The following UROS variants were observed in gnomAD, a reference collection of about 807,000 sequenced individuals.
UROS encodes uroporphyrinogen-III synthase.
In UROS, 18 loss-of-function variants were observed where a neutral mutation model predicts 33.0. The observed-to-expected ratio is 0.55, with a 90% CI of 0.38 to 0.81. The LOEUF is 0.81. UROS is among the 30% of genes least tolerant of loss of function. The probability of loss-of-function intolerance (pLI) is 0.00; values close to 1 mark genes in which losing one functional copy is unlikely to be tolerated. For synonymous variants in UROS, 114 were observed against 121.1 expected, an observed-to-expected ratio of 0.94 and a Z score of 0.38; for missense variants, 293 against 314.9, an observed-to-expected ratio of 0.93 and a Z score of 0.53.
At chr10:125,794,235 C>T (rs1222485983) in intron 9 of UROS, 11 of 628,842 alleles carry the variant, frequency 1.7e-5, no homozygotes, top group African/African-American at 4.0e-5. Flanking sequence ...ACTGGGAGAG[C>T]GGTGCATACT....
intron 5 of UROS, 129 bp downstream of exon 5, chr10:125,812,085 C>T (rs911405773): frequency 3.9e-6 from 3 of 779,022 alleles, no homozygotes; most frequent in East Asian, 2.7e-5. Context: ...TCAGTAGTAT[C>T]GTATACTTAA....
At chr10:125,797,956 G>C (rs1418350868) in intron 7 of UROS, 109 bp downstream of exon 7, 1 of 1,326,634 alleles carries the variant, frequency 7.5e-7, no homozygotes, top group Non-Finnish European at 1.1e-6. Context: ...ATCCAACCCA[G>C]CCCTGCTCTC....
intron 6 of UROS, chr10:125,802,479 G>C (rs896220386): frequency 1.0e-6 from 1 of 987,596 alleles, no homozygotes; most frequent in South Asian, 4.7e-5. Flanking sequence ...TTTCCTTTCA[G>C]TTGCTTAGCC....
At chr10:125,805,545 T>C (rs568746369) in intron 6 of UROS, among the ~76,000 whole-genome samples, 1 of 152,358 alleles carries the variant, frequency 6.6e-6, no homozygotes, top group East Asian at 1.9e-4. Context: ...ATGATGGGAA[T>C]GTTCTGTGTG....
At chr10:125,822,873 A>T (rs536979011) in intron 1 of UROS, among the ~76,000 whole-genome samples, 156 bp downstream of exon 1, 13 of 152,308 alleles carry the variant, frequency 8.5e-5, no homozygotes, top group African/African-American at 3.1e-4. Flanking sequence ...TCACCGGCGC[A>T]GCGGTAGCGG....
chr10:125,789,443 G>C (rs1285234270), intron 9 of UROS: 1 of 998,484 alleles, frequency 1.0e-6, no homozygotes, highest in African/African-American at 1.7e-5. Flanking sequence ...AGGGCTCTGT[G>C]GGCACAGGGT....
intron 1 of UROS, among the ~76,000 whole-genome samples, chr10:125,818,770 TCTCCA>T (rs1306760565): frequency 6.6e-6 from 1 of 152,160 alleles, no homozygotes; most frequent in African/African-American, 2.4e-5. Context: ...GCTGTGAGCC[TCTCCA>T]TTGTTGGCTT....
Position 125,795,042 on chromosome 10 carries a change from G to A in UROS, c.562-64C>T, listed in dbSNP as rs78343679. The A allele has an allele frequency of 3.4e-5, 50 of 1,484,562 alleles. 1 individual carries two copies. Among genetic ancestry groups the A allele is most frequent in the South Asian group, 2.4e-4 (21 of 88,036 alleles). The allele number at this position is 1,484,562 out of a possible 1,614,324, so 92.0% of individuals were successfully genotyped here. The stretch of plus-strand genomic sequence containing the variant: ...GACTGAGGAGAGACAACATTCCTCC[G>A]GCTTCATCCGCATCAAGACCTCAAG... On this transcript the variant is annotated intron_variant, in intron 8 of 9. Coordinates refer to ENST00000368797, the MANE Select transcript of UROS (RefSeq NM_000375.3).
intron 8 of UROS, among the ~76,000 whole-genome samples, chr10:125,795,710 A>C (rs1851296212): frequency 1.3e-5 from 2 of 152,138 alleles, no homozygotes; most frequent in Non-Finnish European, 2.9e-5. Context: ...GCCACTATTT[A>C]CCTCAGGGTT....
In UROS at chr10:125,796,113, T is replaced by C; in HGVS notation, c.551A>G (p.Tyr184Cys). The change falls in exon 8 of 10, where the codon TAT (tyrosine) becomes TGT (cysteine). Residue 184 changes from tyrosine (Y) to cysteine (C), a missense_variant. Tyr to Cys is a radical substitution (Grantham distance 194). Coordinates refer to ENST00000368797, the MANE Select transcript of UROS (RefSeq NM_000375.3). ...PGIQGNLNSY[Y>C]SQQGVPASIT... ...CCAAACGCCACGTACCTGCTGGGAA[T>C]AGTAGCTGTTCAGGTTCCCTTGGAT... 6.2e-7 allele frequency: 1 copy of C among 1,614,146 alleles called. No homozygotes were observed. The highest frequency in any genetic ancestry group is 8.5e-7 in the Non-Finnish European group (1 of 1,180,032).
At chr10:125,812,351 A>G in intron 4 of UROS, 63 bp from the exon 5 acceptor site, 4 of 1,487,112 alleles carry the variant, frequency 2.7e-6, no homozygotes, top group Non-Finnish European at 3.7e-6. Flanking sequence ...ACTGTTGCCC[A>G]AGGCTGCTTG....
intron 9 of UROS, chr10:125,792,252 T>A (rs1850991878): frequency 6.6e-6 from 1 of 152,094 alleles, no homozygotes; most frequent in South Asian, 2.1e-4. Flanking sequence ...AACAGTTTGG[T>A]GAAACAGCAG....
intron 1 of UROS, 121 bp downstream of exon 1, chr10:125,822,908 G>A (rs953140515): frequency 6.6e-6 from 1 of 152,356 alleles, no homozygotes; most frequent in African/African-American, 2.4e-5. Context: ...GCCTGGGCAG[G>A]CCCAGGTCCG....
intron 1 of UROS, among the ~76,000 whole-genome samples, chr10:125,822,469 C>T (rs1304364902): frequency 6.6e-6 from 1 of 152,062 alleles, no homozygotes; most frequent in Admixed American, 6.5e-5. Context: ...ACTACAGGCG[C>T]GCACCACCAC....
At chr10:125,805,199 C>A (rs142336577) in intron 6 of UROS, among the ~76,000 whole-genome samples, 1 of 152,336 alleles carries the variant, frequency 6.6e-6, no homozygotes, top group African/African-American at 2.4e-5. Context: ...AGAAAAGGCC[C>A]GTGTAGTTCC....
intron 1 of UROS, among the ~76,000 whole-genome samples, chr10:125,822,362 CT>C (rs2133988016): frequency 6.6e-6 from 1 of 150,778 alleles, no homozygotes; most frequent in African/African-American, 2.4e-5. Flanking sequence ...GTCGCCCAGG[CT>C]GGAGTGTGGA....
At chr10:125,822,254 C>T (rs1389604695) in intron 1 of UROS, among the ~76,000 whole-genome samples, 2 of 152,214 alleles carry the variant, frequency 1.3e-5, no homozygotes, top group African/African-American at 4.8e-5. Context: ...GGCCGCAGTC[C>T]CCTCCACTCT....
chr10:125,813,802 A>G (rs912195863), intron 4 of UROS, among the ~76,000 whole-genome samples: 3 of 152,176 alleles, frequency 2.0e-5, no homozygotes, highest in Non-Finnish European at 2.9e-5. Flanking sequence ...TTAGGTTCTC[A>G]CGCTTTCTTT....
rs898758780 is a variant in UROS, at chr10:125,805,129, G to T, written c.394+2284C>A. The stretch of plus-strand genomic sequence containing the variant: ...ATCCACTGAACTAAGGAGTGCACAG[G>T]CTCAGGATTGCCAAGTGGCCGAAAC... On this transcript the variant is annotated intron_variant, in intron 6 of 9. Coordinates refer to ENST00000368797, the MANE Select transcript of UROS (RefSeq NM_000375.3). Among the ~76,000 whole-genome samples the T allele has an allele frequency of 3.9e-5, 6 of 152,380 alleles. No homozygotes were observed. The East Asian group carries it at 1.2e-3, about 29-fold the overall frequency.
Sources: allele counts gnomAD v4.1 joint callset (sites outside exome capture counted in the v4.1 genomes callset), GRCh38; gene constraint gnomAD v4.1.1; transcripts MANE v1.5; gene names NCBI Gene and HGNC (gene_info 2026-07-23, HGNC 2026-07-21).